RPE65: variants seen among roughly 807,000 people sequenced by gnomAD.
RPE65 encodes retinoid isomerohydrolase RPE65, also known as retinoid isomerohydrolase.
RPE65 carries 58 observed loss-of-function variants against 68.5 expected under a neutral mutation model. The observed-to-expected ratio is 0.85, with a 90% CI of 0.69 to 1.05. The LOEUF is 1.05. Among genes scored for constraint, RPE65 ranks in the 50% least tolerant of loss-of-function variants. The pLI, the probability that RPE65 is intolerant of heterozygous loss-of-function variation, is 0.00. For synonymous variants in RPE65, 220 were observed against 222.2 expected (o/e 0.99, Z 0.09); for missense variants, 643 against 629.9 (o/e 1.02, Z -0.22).
At chr1:68,434,281 T>G (rs1176332178) in intron 10 of RPE65, among the ~76,000 whole-genome samples, 2 of 152,030 alleles carry the variant, frequency 1.3e-5, no homozygotes, top group Non-Finnish European at 2.9e-5. Context: ...GTAAAAGGGC[T>G]GTACCCTGTA....
At chr1:68,436,319 G>C (rs552506549) in intron 10 of RPE65, among the ~76,000 whole-genome samples, 1 of 152,126 alleles carries the variant, frequency 6.6e-6, no homozygotes, top group East Asian at 1.9e-4. Context: ...TCTTTCTTTG[G>C]AGCTCCAGAT....
rs779480128 is a variant in RPE65, at chr1:68,444,729, G to A, written c.353+47C>T. The A allele has an allele frequency of 2.5e-6, 4 of 1,613,668 alleles. No individual in the cohort carries two copies. In the Admixed American group the frequency reaches 5.0e-5, roughly 20 times the overall value. On this transcript the variant is annotated intron_variant, in intron 4 of 13. Transcript: ENST00000262340. Reference sequence around the variant, plus strand: ...AATTTTCAAGCCATGAGAGAAAAAGGGCTAATATAAAATGTCTTGAGTAAC... The same window carrying A: ...AATTTTCAAGCCATGAGAGAAAAAGAGCTAATATAAAATGTCTTGAGTAAC...
chr1:68,439,337 CA>C lies in RPE65; in HGVS notation c.726-15del. 6.2e-7 allele frequency: 1 copy of C among 1,612,600 alleles called. No individual in the cohort carries two copies. Among genetic ancestry groups the C allele is most frequent in the Non-Finnish European group, 8.5e-7 (1 of 1,179,898 alleles). On this transcript the variant is annotated splice_polypyrimidine_tract_variant and intron_variant, in intron 7 of 13. Transcript: ENST00000262340. ...GTCAGACCAAAACTGTTCAGAAACA[CA>C]AATGGGCTTGTGAATGAAAGGGCTG...
At chr1:68,448,358 C>G (rs1021740703) in intron 2 of RPE65, among the ~76,000 whole-genome samples, 1 of 152,204 alleles carries the variant, frequency 6.6e-6, no homozygotes, top group African/African-American at 2.4e-5. Context: ...GTGCCAGGCA[C>G]TGAGCTAGGC....
chr1:68,442,454 C>T (rs927528572), intron 5 of RPE65, among the ~76,000 whole-genome samples: 2 of 152,324 alleles, frequency 1.3e-5, no homozygotes, highest in African/African-American at 2.4e-5. Context: ...CAAAGACCTT[C>T]GCTTGGACTT....
At chr1:68,447,857 A>AAAAC (rs997534305) in intron 2 of RPE65, among the ~76,000 whole-genome samples, 35 of 152,156 alleles carry the variant, frequency 2.3e-4, no homozygotes, top group Non-Finnish European at 3.2e-4. Context: ...CTCAAAAAAC[A>AAAAC]AAACAAACAA....
chr1:68,430,670 C>T (rs1343488445), intron 13 of RPE65, among the ~76,000 whole-genome samples: 1 of 152,124 alleles, frequency 6.6e-6, no homozygotes, highest in Non-Finnish European at 1.5e-5. Flanking sequence ...TATTCACAGA[C>T]CTGCCTTCTC....
chr1:68,434,031 C>A (rs1645843833), intron 10 of RPE65, among the ~76,000 whole-genome samples: 1 of 150,424 alleles, frequency 6.6e-6, no homozygotes, highest in South Asian at 2.1e-4. Flanking sequence ...GTGGGTCATG[C>A]ATGAAACAGA....
At chr1:68,439,528 T>C in intron 7 of RPE65, 33 bp downstream of exon 7, 1 of 1,606,218 alleles carries the variant, frequency 6.2e-7, no homozygotes, top group Non-Finnish European at 8.5e-7. Context: ...AACTTGAGTT[T>C]TCCTGAAGAT....
At chr1:68,442,596 A>G (rs1412107393) in intron 5 of RPE65, among the ~76,000 whole-genome samples, 1 of 152,274 alleles carries the variant, frequency 6.6e-6, no homozygotes, top group Non-Finnish European at 1.5e-5. Context: ...GGTTAATAAC[A>G]GTAAACAATC....
intron 10 of RPE65, among the ~76,000 whole-genome samples, chr1:68,436,050 G>A (rs1268897197): frequency 1.3e-5 from 2 of 152,124 alleles, no homozygotes; most frequent in African/African-American, 4.8e-5. Context: ...ATTTCTTCAG[G>A]CCGTGATAAC....
chr1:68,439,032 T>C lies in RPE65; in HGVS notation c.908A>G (p.Lys303Arg). 6.2e-7 allele frequency: 1 copy of C among 1,614,114 alleles called. No homozygotes were observed. The stretch of plus-strand genomic sequence containing the variant: ...GAGGTTGAAAGGAGAAGTTCTGTAT[T>C]TATTATTGAGGTACTTTTTCCTTTT... ...DKKRKKYLNN[K>R]YRTSPFNLFH... The change falls in exon 9 of 14, where the codon AAA becomes AGA. Residue 303 changes from lysine to arginine, a missense_variant. Lys to Arg is a conservative substitution (Grantham distance 26). Coordinates refer to ENST00000262340, the MANE Select transcript of RPE65 (RefSeq NM_000329.3).
chr1:68,441,107 C>A (rs1645899656), intron 5 of RPE65, 107 bp from the exon 6 acceptor site: 1 of 1,313,702 alleles, frequency 7.6e-7, no homozygotes, highest in Non-Finnish European at 1.1e-6. Flanking sequence ...ATCCTAAGTG[C>A]ACTTCTCTTT....
chr1:68,449,066 A>G (rs1645963172), intron 1 of RPE65, among the ~76,000 whole-genome samples: 1 of 152,154 alleles, frequency 6.6e-6, no homozygotes, highest in African/African-American at 2.4e-5. Flanking sequence ...TACTGCCATC[A>G]GTTCACTTCC....
Position 68,444,839 on chromosome 1 carries a change from C to T in RPE65, c.290G>A (p.Arg97Lys). The T allele has an allele frequency of 6.2e-7, 1 of 1,614,054 alleles. No individual in the cohort carries two copies. Among genetic ancestry groups the T allele is most frequent in the South Asian group, 1.1e-5 (1 of 91,082 alleles). The change falls in exon 4 of 14, where the codon AGG becomes AAG. Residue 97 changes from arginine (R) to lysine (K), a missense_variant. Coordinates refer to ENST00000262340, the MANE Select transcript of RPE65 (RefSeq NM_000329.3). ...GGTGCCAAATTCTGTTATGACGATC[C>T]TTTTCTCAGTCATTGCCCGTACGTA... ...DAYVRAMTEKRIVITEFGTCA... is the reference protein window; with the variant it reads ...DAYVRAMTEKKIVITEFGTCA...
chr1:68,447,510 G>C (rs1266160950), intron 2 of RPE65, among the ~76,000 whole-genome samples: 2 of 152,136 alleles, frequency 1.3e-5, no homozygotes, highest in African/African-American at 4.8e-5. Flanking sequence ...TGCAAAATGT[G>C]GGGTACCCAA....
Position 68,448,688 on chromosome 1 carries a change from A to G in RPE65, c.30T>C (p.Gly10=), listed in dbSNP as rs1035657759. 6.2e-7 allele frequency: 1 copy of G among 1,613,650 alleles called. No homozygotes were observed. The highest frequency in any genetic ancestry group is 8.5e-7 in the Non-Finnish European group (1 of 1,179,888). The change falls in exon 2 of 14, where the codon GGT becomes GGC. Residue 10 remains glycine, a synonymous_variant. Transcript: ENST00000262340. ...CAGTTTCAAACAGTTTCTTGTAACC[A>G]CCAGCAGGATGCTCAACCCTGAAAT... The part of the protein sequence containing the change: MSIQVEHPA[G]GYKKLFETVE...
Position 68,444,793 on chromosome 1 carries a change from G to T in RPE65, c.336C>A (p.Cys112Ter), listed in dbSNP as rs1448061146. ...TCAGTAACCTGGAAAATATATTCTT[G>T]CAGGGATCTGGGAAAGCACAGGTGC... is the stretch of plus-strand genomic sequence containing the variant. ...EFGTCAFPDP[C>*]KNIFSRFFSY... The change falls in exon 4 of 14, where the codon TGC becomes TGA. Residue 112 changes from cysteine to a stop codon, truncating the protein, a stop_gained. Coordinates refer to ENST00000262340, the MANE Select transcript of RPE65 (RefSeq NM_000329.3). LOFTEE classifies it high-confidence loss of function. The T allele has an allele frequency of 1.2e-6, 2 of 1,614,116 alleles. No individual in the cohort carries two copies. The highest frequency in any genetic ancestry group is 1.7e-6 in the Non-Finnish European group (2 of 1,179,982).
At chr1:68,448,430 C>T (rs942211754) in intron 2 of RPE65, among the ~76,000 whole-genome samples, 194 bp downstream of exon 2, 3 of 152,080 alleles carry the variant, frequency 2.0e-5, no homozygotes, top group South Asian at 2.1e-4. Context: ...AATTAGGTAG[C>T]GTTTTTCTGC....
Sources: allele counts gnomAD v4.1 joint callset (sites outside exome capture counted in the v4.1 genomes callset), GRCh38; gene constraint gnomAD v4.1.1; transcripts MANE v1.5; gene names NCBI Gene and HGNC (gene_info 2026-07-23, HGNC 2026-07-21).